The following TTLL9 variants were observed in gnomAD, a reference collection of about 807,000 sequenced individuals.
The protein encoded by TTLL9 is probable tubulin polyglutamylase TTLL9.
In TTLL9, 47 loss-of-function variants were observed where a neutral mutation model predicts 65.6. The ratio of observed to expected loss-of-function variants is 0.72; its 90% confidence interval spans 0.57 to 0.91. The LOEUF is 0.91. Ranked by LOEUF, TTLL9 falls within the 40% of genes least tolerant of loss-of-function variation. TTLL9 has a pLI of 0.00. For missense variants in TTLL9, 537 were observed against 568.8 expected, an observed-to-expected ratio of 0.94 and a Z score of 0.57; for synonymous variants, 179 against 204.8, an observed-to-expected ratio of 0.87 and a Z score of 1.07.
rs573430035 is a variant in TTLL9, at chr20:31,895,230, G to A, written c.114-3243G>A. On this transcript the variant is annotated intron_variant, in intron 3 of 14. Coordinates refer to ENST00000535842, the MANE Select transcript of TTLL9 (RefSeq NM_001008409.5). ...TTGTTTCAAAAGAAAGTTCATTGGCGCTAGCAGTGTTTTTTATGAGAGCTG... is the reference window on the plus strand; with the variant it reads ...TTGTTTCAAAAGAAAGTTCATTGGCACTAGCAGTGTTTTTTATGAGAGCTG... 5.3e-5 allele frequency among the ~76,000 whole-genome samples: 8 copies of A among 152,312 alleles called. No individual in the cohort carries two copies. The East Asian group carries it at 9.6e-4, about 18-fold the overall frequency.
In TTLL9 at chr20:31,944,638, A is replaced by G. The variant is rs550276737; in HGVS notation, c.*1617A>G. The G allele has an allele frequency of 2.6e-5, 4 of 152,228 alleles. No individual in the cohort carries two copies. The East Asian group carries it at 7.7e-4, about 29-fold the overall frequency. 9.4% of individuals were successfully genotyped at this position (152,228 alleles called of 1,614,324 possible). Reference sequence around the variant, plus strand: ...TATCTGGAGCTAACACCTGTGACCCACACTCATGTTTTAAAAGTTTCTGCA... The same window carrying G: ...TATCTGGAGCTAACACCTGTGACCCGCACTCATGTTTTAAAAGTTTCTGCA... On this transcript the variant is annotated 3_prime_UTR_variant, in exon 15 of 15. Transcript: ENST00000535842.
chr20:31,943,132 G>A lies in TTLL9; in HGVS notation c.*111G>A. 9.6e-7 allele frequency: 1 copy of A among 1,043,450 alleles called. No homozygotes were observed. The highest frequency in any genetic ancestry group is 1.5e-6 in the Non-Finnish European group (1 of 679,978). The allele number at this position is 1,043,450 out of a possible 1,614,324, so 64.6% of individuals were successfully genotyped here. The stretch of plus-strand genomic sequence containing the variant: ...GCATTCGCCTCCCCACCTCCAGCCT[G>A]GCACCAGCTTTGCTGGCTTAGCAGC... On this transcript the variant is annotated 3_prime_UTR_variant, in exon 15 of 15. Transcript: ENST00000535842.
intron 2 of TTLL9, among the ~76,000 whole-genome samples, chr20:31,881,990 A>C (rs2063124543): frequency 6.6e-6 from 1 of 152,198 alleles, no homozygotes; most frequent in Non-Finnish European, 1.5e-5. Context: ...AGGGAAAGAA[A>C]GGTCTCCTGT....
chr20:31,926,483 G>T (rs2063909109), intron 10 of TTLL9, among the ~76,000 whole-genome samples: 1 of 151,914 alleles, frequency 6.6e-6, no homozygotes, highest in Non-Finnish European at 1.5e-5. Flanking sequence ...AGACAATCTA[G>T]CAAAGATCTG....
Position 31,870,664 on chromosome 20 carries a change from C to A in TTLL9, c.-291C>A. On this transcript the variant is annotated 5_prime_UTR_variant, in exon 1 of 15. Coordinates refer to ENST00000535842, the MANE Select transcript of TTLL9 (RefSeq NM_001008409.5). The surrounding 1 kb of genome is among the most constrained non-coding windows in gnomAD (Gnocchi z 6.6). The stretch of plus-strand genomic sequence containing the variant: ...GCCGGGCCCACGGCCCGCGGGACAA[C>A]GGCAGTTTGTTGGGGCCGCGTGGGG... 1 of 1,239,802 alleles carries A rather than the reference C, an allele frequency of 8.1e-7. No individual in the cohort carries two copies. The highest frequency in any genetic ancestry group is 2.6e-5 in the South Asian group (1 of 37,790). The allele number at this position is 1,239,802 out of a possible 1,614,324, so 76.8% of individuals were successfully genotyped here. A position where few individuals can be genotyped will look rare whatever the true frequency, so the allele number is the denominator to read the frequency against.
At chr20:31,936,298 TA>T (rs2064108045) in intron 12 of TTLL9, among the ~76,000 whole-genome samples, 1 of 152,144 alleles carries the variant, frequency 6.6e-6, no homozygotes, top group Non-Finnish European at 1.5e-5. Context: ...GGAAGATGTT[TA>T]CATAAAAATC....
chr20:31,906,099 C>T (rs1054573011), intron 4 of TTLL9, among the ~76,000 whole-genome samples: 1 of 151,312 alleles, frequency 6.6e-6, no homozygotes, highest in Non-Finnish European at 1.5e-5. Context: ...ACACAAGGCC[C>T]AACTGCTTGG....
At chr20:31,908,555 C>T (rs2123500269) in intron 4 of TTLL9, 36 bp from the exon 5 acceptor site, 2 of 1,511,336 alleles carry the variant, frequency 1.3e-6, no homozygotes, top group Middle Eastern at 1.8e-4. Context: ...GGTCCTCAGA[C>T]CATGACCTTT....
intron 2 of TTLL9, among the ~76,000 whole-genome samples, chr20:31,873,312 G>C (rs1416968069): frequency 6.6e-6 from 1 of 152,110 alleles, no homozygotes; most frequent in Non-Finnish European, 1.5e-5. Context: ...CCAAAGATGT[G>C]CTGACTTAAG....
chr20:31,919,844 C>G lies in TTLL9; in HGVS notation c.505-20C>G, dbSNP rs1217488522. 2 of 1,577,802 alleles carry G rather than the reference C, an allele frequency of 1.3e-6. No homozygotes were observed. The highest frequency in any genetic ancestry group is 3.4e-4 in the Middle Eastern group (2 of 5,938). ...CCACGCAGAGCTAAGAGCTGGCTTTCTGCCCCCATCCCACCCCAGGTAGCC... is the reference window on the plus strand; with the variant it reads ...CCACGCAGAGCTAAGAGCTGGCTTTGTGCCCCCATCCCACCCCAGGTAGCC... On this transcript the variant is annotated intron_variant, in intron 6 of 14. Coordinates refer to ENST00000535842, the MANE Select transcript of TTLL9 (RefSeq NM_001008409.5).
At chr20:31,877,468 T>G (rs948069750) in intron 2 of TTLL9, among the ~76,000 whole-genome samples, 1 of 152,232 alleles carries the variant, frequency 6.6e-6, no homozygotes, top group African/African-American at 2.4e-5. Context: ...AGATTTAAAC[T>G]GATCATCTTT....
At chr20:31,887,162 A>C (rs1600529074) in intron 2 of TTLL9, 34 bp from the exon 3 acceptor site, 1 of 1,612,824 alleles carries the variant, frequency 6.2e-7, no homozygotes, top group East Asian at 2.2e-5. Flanking sequence ...AGATATACAA[A>C]ACCAGTTACA....
At chr20:31,931,461 A>G (rs953000187) in intron 10 of TTLL9, among the ~76,000 whole-genome samples, 3 of 152,072 alleles carry the variant, frequency 2.0e-5, no homozygotes, top group Non-Finnish European at 2.9e-5. Context: ...TTTCGTGTAC[A>G]TACAGGGTTT....
At chr20:31,888,628 C>T (rs1055795189) in intron 3 of TTLL9, among the ~76,000 whole-genome samples, 10 of 152,040 alleles carry the variant, frequency 6.6e-5, no homozygotes, top group Admixed American at 3.9e-4. Flanking sequence ...CCCGCCACCA[C>T]GCCTGGCTAA....
intron 2 of TTLL9, among the ~76,000 whole-genome samples, chr20:31,884,337 T>C (rs758666472): frequency 6.6e-5 from 10 of 152,222 alleles, no homozygotes; most frequent in Non-Finnish European, 1.3e-4. Flanking sequence ...GTGATTCTCC[T>C]GCCTCAGCCT....
At chr20:31,880,912 T>A (rs1349774592) in intron 2 of TTLL9, among the ~76,000 whole-genome samples, 1 of 141,678 alleles carries the variant, frequency 7.1e-6, no homozygotes, top group Non-Finnish European at 1.5e-5. Flanking sequence ...GGGAGTGCAG[T>A]GGTGTTATCT....
At chr20:31,909,204 C>T (rs866247382) in intron 5 of TTLL9, among the ~76,000 whole-genome samples, 2 of 139,376 alleles carry the variant, frequency 1.4e-5, no homozygotes, top group African/African-American at 2.7e-5. Context: ...GGCATGATCT[C>T]GGCTCATTGC....
intron 14 of TTLL9, among the ~76,000 whole-genome samples, chr20:31,942,340 C>T (rs2064224454): frequency 1.3e-5 from 2 of 152,188 alleles, no homozygotes; most frequent in Admixed American, 6.5e-5. Flanking sequence ...CAGCAGCTCA[C>T]GGCAGCCTCA....
At chr20:31,872,185 G>A (rs1417109974) in intron 2 of TTLL9, among the ~76,000 whole-genome samples, 1 of 152,132 alleles carries the variant, frequency 6.6e-6, no homozygotes, top group Non-Finnish European at 1.5e-5. Context: ...AAACAAAGCA[G>A]ACAGGGAGAA....
Sources: gnomAD v4.1 joint callset for allele counts (sites outside exome capture counted in the v4.1 genomes callset) on GRCh38, gnomAD v4.1.1 for gene constraint, Gnocchi (gnomAD v3.1) non-coding constraint, MANE v1.5 for transcripts, NCBI Gene and HGNC (gene_info 2026-07-23, HGNC 2026-07-21) for gene names.